The following S1PR3 variants were observed in gnomAD, a reference collection of about 807,000 sequenced individuals.
The protein encoded by S1PR3 is sphingosine-1-phosphate receptor 3, also known as sphingosine 1-phosphate receptor 3.
Under a neutral mutation model 13.3 loss-of-function variants are expected in S1PR3, and 12 were observed. That is an observed-to-expected ratio of 0.90 (90% CI 0.58 to 1.46). S1PR3 has a LOEUF of 1.46. S1PR3 is among the 40% of genes most tolerant of loss of function. The pLI is 0.00. For synonymous variants in S1PR3, 232 were observed against 214.0 expected (o/e 1.08, Z -0.73); for missense variants, 450 against 501.9 (o/e 0.90, Z 0.99).
chr9:89,002,564 G>GCTGCTGACATCATCCACTGCCTT lies in S1PR3; in HGVS notation c.*234_*256dup, dbSNP rs1455541240. 2 of 598,620 alleles carry GCTGCTGACATCATCCACTGCCTT rather than the reference G, an allele frequency of 3.3e-6. No individual in the cohort carries two copies. Among genetic ancestry groups the GCTGCTGACATCATCCACTGCCTT allele is most frequent in the East Asian group, 5.7e-5 (2 of 34,896 alleles). The allele number at this position is 598,620 out of a possible 1,614,324, so 37.1% of individuals were successfully genotyped here. A position where few individuals can be genotyped will look rare whatever the true frequency, so the allele number is the denominator to read the frequency against. On this transcript the variant is annotated 3_prime_UTR_variant, in exon 2 of 2. Coordinates refer to ENST00000358157, the MANE Select transcript of S1PR3 (RefSeq NM_005226.4). ...CTCCAGAGTCTTTCAGATGTACTAA[G>GCTGCTGACATCATCCACTGCCTT]CTGCTGACATCATCCACTGCCTTCT...
At position 89,001,839 on chromosome 9, in the gene S1PR3, C is replaced by T. The variant is rs540178803; in HGVS notation, c.639C>T (p.Ile213=). 19 of 1,614,254 alleles carry T rather than the reference C, an allele frequency of 1.2e-5. No individual in the cohort carries two copies. The East Asian group carries it at 3.8e-4, about 32-fold the overall frequency. Reference sequence around the variant, plus strand: ...CGGCCATCCTGGTGACCATCGTGATCCTCTACGCACGCATCTACTTCCTGG... The same window carrying T: ...CGGCCATCCTGGTGACCATCGTGATTCTCTACGCACGCATCTACTTCCTGG... The part of the protein sequence containing the change: ...IFTAILVTIV[I]LYARIYFLVK... Residue 213 remains isoleucine (I), a synonymous_variant, in exon 2 of 2, where the codon ATC becomes ATT. Transcript: ENST00000358157.
chr9:89,001,607 G>A lies in S1PR3; in HGVS notation c.407G>A (p.Arg136Gln), dbSNP rs751247905. ...TCSLLAIAIE[R>Q]HLTMIKMRPY... ...AGCTTACTGGCCATCGCCATCGAGC[G>A]GCACTTGACAATGATCAAAATGAGG... Residue 136 changes from arginine to glutamine, a missense_variant, in exon 2 of 2, where the codon CGG (arginine) becomes CAG (glutamine). Arg to Gln is a conservative substitution (Grantham distance 43). Transcript: ENST00000358157. 4.3e-6 allele frequency: 7 copies of A among 1,614,186 alleles called. No individual in the cohort carries two copies. Among genetic ancestry groups the A allele is most frequent in the Non-Finnish European group, 5.9e-6 (7 of 1,180,036 alleles).
chr9:88,991,161 T>C (rs1465292604), upstream of S1PR3: 1 of 1,608,282 alleles, frequency 6.2e-7, no homozygotes, highest in South Asian at 1.1e-5. This position sits in a 1 kb window ranked among gnomAD's most constrained non-coding sequence, Gnocchi z 4.0. Context: ...TTTCTGCACC[T>C]GGAGCTCGCC....
intron 1 of S1PR3, chr9:88,997,556 G>A (rs915727503): frequency 9.9e-5 from 15 of 152,182 alleles, no homozygotes; most frequent in Admixed American, 8.5e-4. Flanking sequence ...GAATCATAAC[G>A]ACATGCCAGT....
chr9:88,991,776 C>A lies in S1PR3; in HGVS notation c.-148+81C>A. ...GGACCCACCTTTCCAACAAAATCCC[C>A]ACCGATCCCGGGCGCGACGGGGACT... On this transcript the variant is annotated intron_variant, in intron 1 of 1. Coordinates refer to ENST00000358157, the MANE Select transcript of S1PR3 (RefSeq NM_005226.4). This position sits in a 1 kb window ranked among gnomAD's most constrained non-coding sequence, Gnocchi z 4.0. 1 of 1,579,164 alleles carries A rather than the reference C, an allele frequency of 6.3e-7. No homozygotes were observed. The highest frequency in any genetic ancestry group is 8.6e-7 in the Non-Finnish European group (1 of 1,162,404).
chr9:88,991,250 G>C (rs1232816551), upstream of S1PR3: 1 of 1,551,576 alleles, frequency 6.4e-7, no homozygotes, highest in African/African-American at 1.4e-5. The surrounding 1 kb of genome is among the most constrained non-coding windows in gnomAD (Gnocchi z 4.0). Flanking sequence ...TGGTAGGGTC[G>C]GGGAGAAGGG....
rs1016679783 is a variant in S1PR3, at chr9:89,002,518, A to G, written c.*181A>G. 1.8e-5 allele frequency: 13 copies of G among 717,884 alleles called. No homozygotes were observed. Among genetic ancestry groups the G allele is most frequent in the Non-Finnish European group, 3.0e-5 (13 of 431,714 alleles). 44.5% of individuals were successfully genotyped at this position (717,884 alleles called of 1,614,324 possible). A position where few individuals can be genotyped will look rare whatever the true frequency, so the allele number is the denominator to read the frequency against. On this transcript the variant is annotated 3_prime_UTR_variant, in exon 2 of 2. Transcript: ENST00000358157. ...TCACCACCCCGCTTCAGTGTAAACA[A>G]CGTGCCTTGTCCACTTTGGGCTCCA...
At chr9:88,997,573 T>TA (rs1219422627) in intron 1 of S1PR3, 5 of 152,326 alleles carry the variant, frequency 3.3e-5, no homozygotes, top group African/African-American at 1.2e-4. Flanking sequence ...CAGTATTACC[T>TA]AAAAGGATGA....
upstream of S1PR3, chr9:88,990,870 G>C (rs934379027): frequency 5.2e-6 from 6 of 1,161,118 alleles, no homozygotes; most frequent in South Asian, 1.5e-5. Flanking sequence ...GGTAGAGCGC[G>C]GAGAGGGACC....
rs1825883713 is a variant in S1PR3 at position 89,002,483 on chromosome 9, G to C, written c.*146G>C. On this transcript the variant is annotated 3_prime_UTR_variant, in exon 2 of 2. Coordinates refer to ENST00000358157, the MANE Select transcript of S1PR3 (RefSeq NM_005226.4). ...AGTGTGGATGTCTCTTACAGAGGGG[G>C]CCCAAGGAATCACCACCCCGCTTCA... 5 of 993,538 alleles carry C rather than the reference G, an allele frequency of 5.0e-6. No individual in the cohort carries two copies. The South Asian group carries it at 8.6e-5, about 17-fold the overall frequency. The allele number at this position is 993,538 out of a possible 1,614,324, so 61.5% of individuals were successfully genotyped here.
In S1PR3 at chr9:88,991,914, G is replaced by A. The variant is rs1459347606; in HGVS notation, c.-148+219G>A. The stretch of plus-strand genomic sequence containing the variant: ...CACCCGGAGCGTTTACAACGGGCTG[G>A]AGCTGAATACCTGGATGAAAGTGGA... On this transcript the variant is annotated intron_variant, in intron 1 of 1. Coordinates refer to ENST00000358157, the MANE Select transcript of S1PR3 (RefSeq NM_005226.4). This position sits in a 1 kb window ranked among gnomAD's most constrained non-coding sequence, Gnocchi z 4.0. 1 of 1,614,234 alleles carries A rather than the reference G, an allele frequency of 6.2e-7. No homozygotes were observed. The highest frequency in any genetic ancestry group is 1.7e-5 in the Admixed American group (1 of 60,034).
chr9:89,005,085 G>A lies in S1PR3; in HGVS notation c.*2748G>A, dbSNP rs145329710. 4 of 161,240 alleles carry A rather than the reference G, an allele frequency of 2.5e-5. No individual in the cohort carries two copies. The highest frequency in any genetic ancestry group is 7.2e-5 in the African/African-American group (3 of 41,572). The allele number at this position is 161,240 out of a possible 1,614,324, so 10.0% of individuals were successfully genotyped here. On this transcript the variant is annotated 3_prime_UTR_variant, in exon 2 of 2. Coordinates refer to ENST00000358157, the MANE Select transcript of S1PR3 (RefSeq NM_005226.4). ...CCTCCCCACTGCAGGGGTGCGCACT[G>A]TTGTTGCAGGCTTGCTACCCACCTG...
At position 89,002,084 on chromosome 9, in the gene S1PR3, C is replaced by T. The variant is rs1564064504; in HGVS notation, c.884C>T (p.Pro295Leu). 3 of 1,613,808 alleles carry T rather than the reference C, an allele frequency of 1.9e-6. No homozygotes were observed. Among genetic ancestry groups the T allele is most frequent in the Admixed American group, 1.7e-5 (1 of 59,984 alleles). ...GCTGTGCTCAACTCCGCCATGAACC[C>T]GGTCATCTACACGCTGGCCAGCAAG... ...VLAVLNSAMN[P>L]VIYTLASKEM... Residue 295 changes from proline to leucine, a missense_variant, in exon 2 of 2, where the codon CCG becomes CTG. Coordinates refer to ENST00000358157, the MANE Select transcript of S1PR3 (RefSeq NM_005226.4).
chr9:88,998,729 A>G (rs1292786819), intron 1 of S1PR3: 1 of 152,218 alleles, frequency 6.6e-6, no homozygotes, highest in African/African-American at 2.4e-5. Flanking sequence ...AGGGGCTGGC[A>G]TGATTCCAGA....
Position 89,000,982 on chromosome 9 carries a change from A to G in S1PR3, c.-147-72A>G, listed in dbSNP as rs1825858894. 3.3e-5 allele frequency: 19 copies of G among 581,090 alleles called. No individual in the cohort carries two copies. In the South Asian group the frequency reaches 3.8e-4, roughly 12 times the overall value. The allele number at this position is 581,090 out of a possible 1,614,324, so 36.0% of individuals were successfully genotyped here. ...TCCACGTTTTTCATGCCTTTCTCCA[A>G]CAGCGTTGCCGTGGCCCCTTAGGCG... On this transcript the variant is annotated intron_variant, in intron 1 of 1. Transcript: ENST00000358157.
intron 1 of S1PR3, chr9:88,998,043 G>A (rs997671988): frequency 1.3e-5 from 2 of 152,276 alleles, no homozygotes; most frequent in Non-Finnish European, 2.9e-5. Context: ...CTTCATACCC[G>A]GCTTCATGCC....
Position 89,002,389 on chromosome 9 carries a change from C to T in S1PR3, c.*52C>T, listed in dbSNP as rs369803061. 2.0e-5 allele frequency: 31 copies of T among 1,569,162 alleles called. No individual in the cohort carries two copies. The African/African-American group carries it at 2.7e-4, about 14-fold the overall frequency. The stretch of plus-strand genomic sequence containing the variant: ...CTGTGTTCTTATTTATTGCATGCGT[C>T]GCTTCCACAGGGGCCCCTCAAGAGC... On this transcript the variant is annotated 3_prime_UTR_variant, in exon 2 of 2. Coordinates refer to ENST00000358157, the MANE Select transcript of S1PR3 (RefSeq NM_005226.4).
chr9:88,997,054 T>C (rs1012564444), intron 1 of S1PR3: 3 of 152,216 alleles, frequency 2.0e-5, no homozygotes, highest in Admixed American at 2.0e-4. Flanking sequence ...TAAATGTTGA[T>C]AATCCAGAGA....
rs1414106052 is a variant in S1PR3 at position 88,991,842 on chromosome 9, C to T, written c.-148+147C>T. ...GGCCGGAGCGCTCCACATCAGCACC[C>T]CTCCCCCAGAGCCGCTGCAGGAACA... On this transcript the variant is annotated intron_variant, in intron 1 of 1. Coordinates refer to ENST00000358157, the MANE Select transcript of S1PR3 (RefSeq NM_005226.4). This position sits in a 1 kb window ranked among gnomAD's most constrained non-coding sequence, Gnocchi z 4.0. 1 of 1,613,536 alleles carries T rather than the reference C, an allele frequency of 6.2e-7. No individual in the cohort carries two copies. Among genetic ancestry groups the T allele is most frequent in the Non-Finnish European group, 8.5e-7 (1 of 1,179,670 alleles).
Sources: gnomAD v4.1 joint callset for allele counts on GRCh38, gnomAD v4.1.1 for gene constraint, Gnocchi (gnomAD v3.1) non-coding constraint, MANE v1.5 for transcripts, NCBI Gene and HGNC (gene_info 2026-07-23, HGNC 2026-07-21) for gene names.